The following COL27A1 variants were observed in gnomAD, a reference collection of about 807,000 sequenced individuals.
The protein encoded by COL27A1 is collagen alpha-1(XXVII) chain.
Under a neutral mutation model 251.3 loss-of-function variants are expected in COL27A1, and 106 were observed. That is an observed-to-expected ratio of 0.42 (90% CI 0.36 to 0.50). The LOEUF (loss-of-function observed/expected upper bound fraction) is 0.50. Ranked by LOEUF, COL27A1 falls within the 20% of genes least tolerant of loss-of-function variation. The probability of loss-of-function intolerance (pLI) is 0.00; values close to 1 mark genes in which losing one functional copy is unlikely to be tolerated. For synonymous variants in COL27A1, 1,000 were observed against 986.3 expected (o/e 1.01, Z -0.26); for missense variants, 2,325 against 2,522.8 (o/e 0.92, Z 1.68).
intron 3 of COL27A1, among the ~76,000 whole-genome samples, chr9:114,174,943 G>A (rs1433427150): frequency 1.7e-5 from 1 of 60,150 alleles, no homozygotes; most frequent in African/African-American, 7.2e-5. Flanking sequence ...GAGGCCTAGA[G>A]ATCAAAAGGA....
intron 27 of COL27A1, among the ~76,000 whole-genome samples, chr9:114,256,875 G>A (rs1833956183): frequency 6.6e-6 from 1 of 152,190 alleles, no homozygotes; most frequent in African/African-American, 2.4e-5. Context: ...CTTGGCTCCC[G>A]AAATTTCCCA....
At chr9:114,259,758 C>G (rs1475796941) in intron 28 of COL27A1, among the ~76,000 whole-genome samples, 3 of 152,098 alleles carry the variant, frequency 2.0e-5, no homozygotes, top group African/African-American at 7.2e-5. Flanking sequence ...GGCGTGGGGC[C>G]GTGCAGCCTT....
rs991706670 is a variant in COL27A1, at chr9:114,266,903, A to G, written c.3447+285A>G. Among the ~76,000 whole-genome samples the G allele has an allele frequency of 6.6e-5, 10 of 152,166 alleles. 1 individual carries two copies. The highest frequency in any genetic ancestry group is 2.2e-4 in the African/African-American group (9 of 41,428). On this transcript the variant is annotated intron_variant, in intron 33 of 60. Coordinates refer to ENST00000356083, the MANE Select transcript of COL27A1 (RefSeq NM_032888.4). ...CATTGCCTCTTTGGGCATCACTGGA[A>G]GCATGGATGCTTCCCAACCTTGACC...
In COL27A1 at chr9:114,302,105, A is replaced by G. The variant is rs1348945895; in HGVS notation, c.4869A>G (p.Gln1623=). The change falls in exon 56 of 61, where the codon CAA becomes CAG. Residue 1623 remains glutamine (Q), a synonymous_variant. Coordinates refer to ENST00000356083, the MANE Select transcript of COL27A1 (RefSeq NM_032888.4). ...GPPGPPGGPI[Q]LQQDDLGAAF... ...AGGGTCCTCCAGGGGGTCCTATCCAATTGGTAAGTTGGAAACCTTCTCTTT... is the reference window on the plus strand; with the variant it reads ...AGGGTCCTCCAGGGGGTCCTATCCAGTTGGTAAGTTGGAAACCTTCTCTTT... 6.2e-7 allele frequency: 1 copy of G among 1,612,542 alleles called. No homozygotes were observed. The highest frequency in any genetic ancestry group is 8.5e-7 in the Non-Finnish European group (1 of 1,178,670).
At chr9:114,264,475 T>C in intron 29 of COL27A1, 67 bp downstream of exon 29, 2 of 1,257,624 alleles carry the variant, frequency 1.6e-6, no homozygotes, top group Non-Finnish European at 2.2e-6. Flanking sequence ...TGAACAAGGC[T>C]CACAGCTCCT....
intron 24 of COL27A1, among the ~76,000 whole-genome samples, chr9:114,248,591 G>A (rs534813892): frequency 3.3e-4 from 50 of 152,278 alleles, no homozygotes; most frequent in Non-Finnish European, 6.8e-4. Context: ...CTGCTTCTCC[G>A]TTGACCTGCC....
chr9:114,233,944 A>T (rs1832156139), intron 16 of COL27A1, among the ~76,000 whole-genome samples: 1 of 152,036 alleles, frequency 6.6e-6, no homozygotes, highest in South Asian at 2.1e-4. Flanking sequence ...CCCTGGCCCT[A>T]CCCTGGGATG....
At chr9:114,259,164 C>T (rs1361763900) in intron 28 of COL27A1, among the ~76,000 whole-genome samples, 1 of 152,172 alleles carries the variant, frequency 6.6e-6, no homozygotes. Context: ...AGGGGAAGAC[C>T]TGAAGGTGAT....
chr9:114,205,769 G>T lies in COL27A1; in HGVS notation c.2180G>T (p.Gly727Val). ...TCTGTTCCTTTGCAGGGGCAGCCAGGACCTGAGGGCAGCCCAGGGGCCAAA... is the reference window on the plus strand; with the variant it reads ...TCTGTTCCTTTGCAGGGGCAGCCAGTACCTGAGGGCAGCCCAGGGGCCAAA... Reference protein sequence around the residue: ...AGHPGEQGQPGPEGSPGAKGY... With the variant: ...AGHPGEQGQPVPEGSPGAKGY... The change falls in exon 9 of 61, where the codon GGA becomes GTA. Residue 727 changes from glycine to valine, a missense_variant. Physicochemically the swap from Gly to Val is moderately radical, Grantham distance 109 (BLOSUM62 -3). Around this residue, in one of 4 missense-constraint regions of COL27A1, gnomAD observed 1,183 missense variants for 1,144.1 expected, o/e 1.03. Coordinates refer to ENST00000356083, the MANE Select transcript of COL27A1 (RefSeq NM_032888.4). The T allele has an allele frequency of 1.2e-6, 2 of 1,614,064 alleles. No homozygotes were observed. The highest frequency in any genetic ancestry group is 1.7e-6 in the Non-Finnish European group (2 of 1,179,960).
At chr9:114,309,608 A>G (rs1324892698) in intron 60 of COL27A1, 130 bp downstream of exon 60, 1 of 713,872 alleles carries the variant, frequency 1.4e-6, no homozygotes, top group East Asian at 2.8e-5. Flanking sequence ...TGTGATAGAT[A>G]TGATTTCATC....
chr9:114,209,764 C>A, intron 11 of COL27A1, 36 bp downstream of exon 11: 1 of 1,596,852 alleles, frequency 6.3e-7, no homozygotes, highest in South Asian at 1.1e-5. Context: ...CCATCCACAG[C>A]CACCCCTGCC....
chr9:114,289,116 TG>T, intron 44 of COL27A1, 125 bp from the exon 45 acceptor site: 1 of 1,385,842 alleles, frequency 7.2e-7, no homozygotes, highest in Non-Finnish European at 9.9e-7. Context: ...GCCCTGACCC[TG>T]GGGATGCCCC....
At chr9:114,167,618 TA>T in intron 2 of COL27A1, 70 bp from the exon 3 acceptor site, 1 of 1,337,420 alleles carries the variant, frequency 7.5e-7, no homozygotes, top group Non-Finnish European at 1.0e-6. Context: ...CTGTGCCCCT[TA>T]GGGGGTAGGG....
chr9:114,196,123 C>T, intron 7 of COL27A1, 111 bp downstream of exon 7: 2 of 925,634 alleles, frequency 2.2e-6, no homozygotes, highest in Non-Finnish European at 3.6e-6. Flanking sequence ...CAGCCCAGCT[C>T]CCCTGGGCAC....
intron 36 of COL27A1, chr9:114,271,371 G>A (rs1385222373): frequency 1.9e-5 from 3 of 155,302 alleles, no homozygotes; most frequent in African/African-American, 7.2e-5. Context: ...TGGCTCCAAA[G>A]CCTCTGCTCA....
intron 33 of COL27A1, 70 bp downstream of exon 33, chr9:114,266,688 C>G: frequency 1.4e-6 from 2 of 1,381,720 alleles, no homozygotes; most frequent in Non-Finnish European, 2.1e-6. Flanking sequence ...CTTCCCTCCT[C>G]CCCAGGAGCC....
chr9:114,265,579 G>C, intron 32 of COL27A1, 104 bp downstream of exon 32: 1 of 1,154,754 alleles, frequency 8.7e-7, no homozygotes, highest in East Asian at 2.5e-5. Context: ...ACCATGCCTG[G>C]CCTCTAACCC....
intron 12 of COL27A1, chr9:114,217,802 T>C (rs556411517): frequency 2.1e-6 from 1 of 470,862 alleles, no homozygotes; most frequent in African/African-American, 2.0e-5. Context: ...AGGCCAGAGG[T>C]GGGAACTCAA....
At chr9:114,196,082 A>G in intron 7 of COL27A1, 70 bp downstream of exon 7, 1 of 1,367,150 alleles carries the variant, frequency 7.3e-7, no homozygotes, top group South Asian at 1.2e-5. Context: ...CAGGCAGAAG[A>G]GCTGTGGGCC....
Sources: gnomAD v4.1 joint callset for allele counts (sites outside exome capture counted in the v4.1 genomes callset) on GRCh38, gnomAD v4.1.1 for gene constraint, gnomAD v4.1.1 regional missense constraint, MANE v1.5 for transcripts, NCBI Gene and HGNC (gene_info 2026-07-23, HGNC 2026-07-21) for gene names.